KIAA1217: variants seen among roughly 807,000 people sequenced by gnomAD.
KIAA1217 encodes KIAA1217.
KIAA1217 carries 88 observed loss-of-function variants against 163.9 expected under a neutral mutation model. The ratio of observed to expected loss-of-function variants is 0.54; its 90% CI spans 0.45 to 0.64. The LOEUF (loss-of-function observed/expected upper bound fraction) is 0.64. KIAA1217 is among the 30% of genes least tolerant of loss of function. The probability of loss-of-function intolerance (pLI) is 0.00; values close to 1 mark genes in which losing one functional copy is unlikely to be tolerated. For missense variants in KIAA1217, 2,372 were observed against 2,475.0 expected (o/e 0.96, Z 0.88); for synonymous variants, 903 against 923.1 (o/e 0.98, Z 0.39).
chr10:23,830,513 A>G (rs937177514), intron 1 of KIAA1217, among the ~76,000 whole-genome samples: 1 of 152,092 alleles, frequency 6.6e-6, no homozygotes, highest in African/African-American at 2.4e-5. Flanking sequence ...GTCTCTCTGA[A>G]CTGCCTTTCT....
At chr10:24,212,984 C>G (rs551165670) in intron 1 of KIAA1217, among the ~76,000 whole-genome samples, 2 of 152,254 alleles carry the variant, frequency 1.3e-5, no homozygotes, top group East Asian at 3.9e-4. Flanking sequence ...GATCATGTAA[C>G]TTACTGTCCA....
chr10:24,362,475 AATCT>A (rs781168066), intron 2 of KIAA1217, among the ~76,000 whole-genome samples: 7 of 152,264 alleles, frequency 4.6e-5, no homozygotes, highest in Non-Finnish European at 1.0e-4. Context: ...CATAAGTAAC[AATCT>A]AAGTTAAGGC....
intron 9 of KIAA1217, among the ~76,000 whole-genome samples, chr10:24,511,918 C>T (rs773988053): frequency 1.1e-4 from 16 of 152,220 alleles, no homozygotes; most frequent in South Asian, 1.0e-3. Flanking sequence ...ATTGTCTCAC[C>T]GAGTCTCCAT....
intron 1 of KIAA1217, among the ~76,000 whole-genome samples, chr10:23,750,409 A>G (rs772232663): frequency 2.6e-5 from 4 of 152,094 alleles, no homozygotes; most frequent in Non-Finnish European, 5.9e-5. Context: ...CATTCTTTCT[A>G]ATGTGTCTGT....
chr10:24,152,021 C>A (rs542139670), intron 2 of KIAA1217, among the ~76,000 whole-genome samples: 2 of 152,224 alleles, frequency 1.3e-5, no homozygotes, highest in South Asian at 4.1e-4. Flanking sequence ...GTTTTGTGAC[C>A]ATAGGTCAGA....
At chr10:24,363,795 C>T (rs182583822) in intron 2 of KIAA1217, among the ~76,000 whole-genome samples, 219 of 152,054 alleles carry the variant, frequency 1.4e-3, no homozygotes, top group African/African-American at 5.1e-3. Flanking sequence ...TGGTTTTGCA[C>T]ACCTGACCTC....
At chr10:23,952,283 T>C (rs1318657433) in intron 1 of KIAA1217, among the ~76,000 whole-genome samples, 1 of 152,208 alleles carries the variant, frequency 6.6e-6, no homozygotes, top group African/African-American at 2.4e-5. Flanking sequence ...GAGTTGGAAG[T>C]GTTTCTGTCC....
chr10:23,938,605 A>G (rs1047650686), intron 1 of KIAA1217, among the ~76,000 whole-genome samples: 3 of 152,208 alleles, frequency 2.0e-5, no homozygotes, highest in Non-Finnish European at 4.4e-5. Flanking sequence ...ATGTAGCATA[A>G]CAACTATTTA....
intron 1 of KIAA1217, among the ~76,000 whole-genome samples, chr10:23,893,853 G>A (rs1221982337): frequency 3.3e-5 from 5 of 152,136 alleles, no homozygotes; most frequent in Non-Finnish European, 7.4e-5. Context: ...ATCAATAAAT[G>A]TAATCCAGCA....
intron 1 of KIAA1217, among the ~76,000 whole-genome samples, chr10:23,733,799 T>C (rs923710573): frequency 1.3e-5 from 2 of 152,190 alleles, no homozygotes; most frequent in Admixed American, 1.3e-4. Context: ...TAAAAATGTG[T>C]TAATTTGCAG....
intron 1 of KIAA1217, among the ~76,000 whole-genome samples, chr10:23,857,177 T>C (rs1839729710): frequency 6.6e-6 from 1 of 152,198 alleles, no homozygotes; most frequent in Admixed American, 6.5e-5. Context: ...ATTACAATTT[T>C]ATATGAAATT....
chr10:23,742,983 G>T (rs1181944748), intron 1 of KIAA1217, among the ~76,000 whole-genome samples: 1 of 152,198 alleles, frequency 6.6e-6, no homozygotes, highest in African/African-American at 2.4e-5. Flanking sequence ...GAATGTGCAG[G>T]CTGCCCAAAC....
chr10:24,080,325 T>C (rs1375049902), intron 2 of KIAA1217, among the ~76,000 whole-genome samples: 1 of 152,160 alleles, frequency 6.6e-6, no homozygotes, highest in East Asian at 1.9e-4. Context: ...CATTCCTGGG[T>C]CAGTGTTTGT....
intron 1 of KIAA1217, among the ~76,000 whole-genome samples, chr10:23,787,130 T>C (rs1041733967): frequency 3.3e-5 from 5 of 152,224 alleles, no homozygotes; most frequent in Non-Finnish European, 7.3e-5. Flanking sequence ...TTTGTAAATA[T>C]TGTGGAATAA....
Position 23,798,702 on chromosome 10 carries a change from A to T in KIAA1217, c.-321+103468A>T, listed in dbSNP as rs555871475. On this transcript the variant is annotated intron_variant, in intron 1 of 18. Coordinates refer to the KIAA1217 transcript ENST00000376462. ...TCCCCTAAAATATTCTGAAATGTGC[A>T]GTGATCCCTGACAGGCAAGGTGCTG... 2.6e-5 allele frequency among the ~76,000 whole-genome samples: 4 copies of T among 152,318 alleles called. No homozygotes were observed. In the South Asian group the frequency reaches 8.3e-4, roughly 32 times the overall value.
chr10:24,428,298 G>A (rs145701513), intron 3 of KIAA1217, among the ~76,000 whole-genome samples: 190 of 152,294 alleles, frequency 1.2e-3, no homozygotes, highest in African/African-American at 4.5e-3. Flanking sequence ...CATCCCACGT[G>A]GGGCCAAGAC....
chr10:24,134,407 G>A (rs2063761856), intron 2 of KIAA1217, among the ~76,000 whole-genome samples: 1 of 152,170 alleles, frequency 6.6e-6, no homozygotes, highest in Non-Finnish European at 1.5e-5. Context: ...TTGGGCAAAA[G>A]CATAAGATAT....
intron 1 of KIAA1217, among the ~76,000 whole-genome samples, chr10:23,904,432 T>C (rs1033953766): frequency 6.6e-6 from 1 of 152,190 alleles, no homozygotes; most frequent in African/African-American, 2.4e-5. Context: ...TGTTTTACTA[T>C]ACTTACAAAA....
At position 23,784,503 on chromosome 10, in the gene KIAA1217, T is replaced by C. The variant is rs544178224; in HGVS notation, c.-321+89269T>C. On this transcript the variant is annotated intron_variant, in intron 1 of 18. Transcript: ENST00000376462. ...TAATTGTTTTCTGTGGGGTTTTTTTTGTTTGTTTGTTTTTAGATCCTTTGT... is the reference window on the plus strand; with the variant it reads ...TAATTGTTTTCTGTGGGGTTTTTTTCGTTTGTTTGTTTTTAGATCCTTTGT... Among the ~76,000 whole-genome samples, 3 of 152,284 alleles carry C rather than the reference T, an allele frequency of 2.0e-5. No individual in the cohort carries two copies. In the South Asian group the frequency reaches 6.2e-4, roughly 32 times the overall value.
Sources: gnomAD v4.1 joint callset for allele counts (sites outside exome capture counted in the v4.1 genomes callset) on GRCh38, gnomAD v4.1.1 for gene constraint, MANE v1.5 for transcripts, NCBI Gene and HGNC (gene_info 2026-07-23, HGNC 2026-07-21) for gene names.